TMEM50B: variants seen among roughly 807,000 people sequenced by gnomAD.
TMEM50B encodes HCV p7-trans-regulated protein 3.
A neutral mutation model predicts 23.4 loss-of-function variants in TMEM50B; 14 were observed. The ratio of observed to expected loss-of-function variants is 0.60; its 90% CI spans 0.39 to 0.93. The LOEUF (loss-of-function observed/expected upper bound fraction) is 0.93, where lower values mean the gene tolerates loss of function less well. Among genes scored for constraint, TMEM50B ranks in the 40% least tolerant of loss-of-function variants. The pLI is 0.00. For missense variants in TMEM50B, 159 were observed against 193.0 expected (o/e 0.82, Z 1.04); for synonymous variants, 64 against 62.3 (o/e 1.03, Z -0.13).
chr21:33,439,623 G>A lies in TMEM50B; in HGVS notation c.*2037-326C>T, dbSNP rs189509798. ...TCAAACTCCTGACCTCAGGTGATCCGCTCACCTCAGCCTCCCAAAGTGCTG... is the reference window on the plus strand; with the variant it reads ...TCAAACTCCTGACCTCAGGTGATCCACTCACCTCAGCCTCCCAAAGTGCTG... On this transcript the variant is annotated intron_variant and NMD_transcript_variant, in intron 7 of 8. Transcript: ENST00000420455. 1.9e-3 allele frequency among the ~76,000 whole-genome samples: 294 copies of A among 151,750 alleles called. 1 individual carries two copies. The highest frequency in any genetic ancestry group is 6.8e-3 in the African/African-American group (282 of 41,416).
chr21:33,444,478 G>C (rs960173121), downstream of TMEM50B, among the ~76,000 whole-genome samples: 6 of 152,010 alleles, frequency 3.9e-5, no homozygotes, highest in African/African-American at 7.2e-5. Context: ...CTAGGAGGCA[G>C]AGGTTGCAGT....
At chr21:33,444,838 A>C (rs955426438), downstream of TMEM50B, among the ~76,000 whole-genome samples, 1 of 151,180 alleles carries the variant, frequency 6.6e-6, no homozygotes, top group Non-Finnish European at 1.5e-5. Context: ...AAAGAAACAA[A>C]AGAAACTGCT....
chr21:33,464,266 C>T (rs1426374047), intron 4 of TMEM50B, among the ~76,000 whole-genome samples: 1 of 149,788 alleles, frequency 6.7e-6, no homozygotes, highest in Non-Finnish European at 1.5e-5. Context: ...GAGGTGATCT[C>T]GGCTCACCGC....
rs1190758232 is a variant in TMEM50B, at chr21:33,450,222, G to A, written c.*596C>T. The A allele has an allele frequency of 1.3e-5, 2 of 151,760 alleles. No individual in the cohort carries two copies. Among genetic ancestry groups the A allele is most frequent in the Non-Finnish European group, 2.9e-5 (2 of 67,976 alleles). 9.4% of individuals were successfully genotyped at this position (151,760 alleles called of 1,614,324 possible). On this transcript the variant is annotated 3_prime_UTR_variant, in exon 7 of 7. Transcript: ENST00000542230. ...AGTGGTCCTTCTTTTTTTTGAGAGG[G>A]AGTTTCACTTTCTCCCCCAGGCTAG...
At chr21:33,434,849 G>T (rs188994033) in intron 8 of TMEM50B, among the ~76,000 whole-genome samples, 46 of 152,070 alleles carry the variant, frequency 3.0e-4, no homozygotes, top group Non-Finnish European at 1.0e-4. Flanking sequence ...CTCTCTCCTG[G>T]TAGAACTACC....
intron 4 of TMEM50B, among the ~76,000 whole-genome samples, chr21:33,462,187 T>G (rs2084223098): frequency 6.6e-6 from 1 of 152,142 alleles, no homozygotes; most frequent in Admixed American, 6.6e-5. Context: ...TTCCTATTAA[T>G]TCCTCCGGGA....
At chr21:33,474,144 C>T (rs757430016) in intron 1 of TMEM50B, among the ~76,000 whole-genome samples, 6 of 148,492 alleles carry the variant, frequency 4.0e-5, no homozygotes, top group Non-Finnish European at 7.4e-5. Context: ...GTGAATGTTA[C>T]AGTATATATA....
At chr21:33,440,426 A>G (rs2083997852) in intron 7 of TMEM50B, among the ~76,000 whole-genome samples, 1 of 151,910 alleles carries the variant, frequency 6.6e-6, no homozygotes, top group African/African-American at 2.4e-5. Context: ...CGTCTCTACT[A>G]AAAATACAAA....
intron 1 of TMEM50B, chr21:33,469,479 A>G (rs990027373): frequency 2.0e-5 from 3 of 152,248 alleles, no homozygotes; most frequent in African/African-American, 4.8e-5. Context: ...TAAATTAAAC[A>G]TATCTAAAAT....
chr21:33,457,776 A>G (rs2084183004), intron 5 of TMEM50B, among the ~76,000 whole-genome samples: 1 of 152,250 alleles, frequency 6.6e-6, no homozygotes, highest in African/African-American at 2.4e-5. Flanking sequence ...CTCATGGATC[A>G]CTTCAACTGC....
chr21:33,448,074 C>G (rs926690266), downstream of TMEM50B, among the ~76,000 whole-genome samples: 1 of 151,910 alleles, frequency 6.6e-6, no homozygotes, highest in Non-Finnish European at 1.5e-5. Flanking sequence ...CTCACTGCAA[C>G]CTCTGCCTCC....
At chr21:33,452,999 A>G (rs976901500) in intron 6 of TMEM50B, among the ~76,000 whole-genome samples, 3 of 152,224 alleles carry the variant, frequency 2.0e-5, no homozygotes, top group Non-Finnish European at 4.4e-5. Flanking sequence ...AATGTCTGAG[A>G]TGAAAAAATC....
chr21:33,475,398 A>T (rs2123463158), intron 1 of TMEM50B, among the ~76,000 whole-genome samples: 1 of 152,156 alleles, frequency 6.6e-6, no homozygotes, highest in South Asian at 2.1e-4. Context: ...CCCAGGCTGG[A>T]GTGCAGTGGC....
intron 8 of TMEM50B, among the ~76,000 whole-genome samples, chr21:33,435,364 C>T (rs1273024913): frequency 6.6e-6 from 1 of 152,132 alleles, no homozygotes; most frequent in Non-Finnish European, 1.5e-5. Context: ...CCCTCCTTCA[C>T]TGAAAGGTTA....
chr21:33,455,754 A>C lies in TMEM50B; in HGVS notation c.404T>G (p.Phe135Cys), dbSNP rs145553933. ...AAAAAATATAAGTGCATTTTGAAAA[A>C]ACACAGCTAGTCCCGGATAAACATC... ...NTDVYPGLAV[F>C]FQNALIFFST... Residue 135 changes from phenylalanine to cysteine, a missense_variant, in exon 6 of 7, where the codon TTT becomes TGT. Coordinates refer to ENST00000542230, the MANE Select transcript of TMEM50B (RefSeq NM_006134.7). 2 of 1,614,024 alleles carry C rather than the reference A, an allele frequency of 1.2e-6. No individual in the cohort carries two copies. The highest frequency in any genetic ancestry group is 2.2e-5 in the East Asian group (1 of 44,852).
chr21:33,476,027 G>T (rs551241874), intron 1 of TMEM50B, among the ~76,000 whole-genome samples: 45 of 152,278 alleles, frequency 3.0e-4, no homozygotes, highest in Admixed American at 7.8e-4. Context: ...ACCACTTCGT[G>T]GTAAGAAGAG....
downstream of TMEM50B, among the ~76,000 whole-genome samples, chr21:33,446,679 C>CAAAAAA (rs1409384682): frequency 5.9e-5 from 6 of 102,374 alleles, no homozygotes; most frequent in Admixed American, 2.4e-4. Context: ...AAAAAAAAAA[C>CAAAAAA]CTCTAAGAAA....
chr21:33,440,485 G>A (rs966963815), intron 7 of TMEM50B, among the ~76,000 whole-genome samples: 2 of 151,702 alleles, frequency 1.3e-5, no homozygotes, highest in African/African-American at 4.9e-5. Flanking sequence ...CTACTCAGGA[G>A]GCTGAGCGAA....
In TMEM50B at chr21:33,436,742, T is replaced by C. The variant is rs2040120; in HGVS notation, c.*2120+2472A>G. On this transcript the variant is annotated intron_variant and NMD_transcript_variant, in intron 8 of 8. Coordinates refer to the TMEM50B transcript ENST00000420455. ...CTCAAAAAAAAAATAAAAATAAAAATAAAATAAAAACAAAAACTAAAGTTA... is the reference window on the plus strand; with the variant it reads ...CTCAAAAAAAAAATAAAAATAAAAACAAAATAAAAACAAAAACTAAAGTTA... The C allele has an allele frequency of 3.7e-3, 4,117 of 1,103,852 alleles. 62 individuals are homozygous for C. Among genetic ancestry groups the C allele is most frequent in the Non-Finnish European group, 4.8e-3 (3,639 of 762,092 alleles). The allele number at this position is 1,103,852 out of a possible 1,614,324, so 68.4% of individuals were successfully genotyped here. A position where few individuals can be genotyped will look rare whatever the true frequency, so the allele number is the denominator to read the frequency against.
Sources: allele counts gnomAD v4.1 joint callset (sites outside exome capture counted in the v4.1 genomes callset), GRCh38; gene constraint gnomAD v4.1.1; transcripts MANE v1.5; gene names NCBI Gene and HGNC (gene_info 2026-07-23, HGNC 2026-07-21).